KCNJ6: variants seen among roughly 807,000 people sequenced by gnomAD.
KCNJ6 encodes the protein G protein-activated inward rectifier potassium channel 2.
KCNJ6 carries 9 observed loss-of-function variants against 34.2 expected under a neutral mutation model. The ratio of observed to expected loss-of-function variants is 0.26; its 90% CI spans 0.16 to 0.46. The LOEUF (loss-of-function observed/expected upper bound fraction) is 0.46. Among genes scored for constraint, KCNJ6 ranks in the 20% least tolerant of loss-of-function variants. KCNJ6 has a pLI of 1.00. For synonymous variants in KCNJ6, 196 were observed against 207.1 expected, an observed-to-expected ratio of 0.95 and a Z score of 0.46; for missense variants, 236 against 531.3, an observed-to-expected ratio of 0.44 and a Z score of 5.46.
At chr21:37,838,798 T>C (rs895293286) in intron 2 of KCNJ6, among the ~76,000 whole-genome samples, 1 of 152,186 alleles carries the variant, frequency 6.6e-6, no homozygotes. Context: ...GCAAATCTCA[T>C]ATTGAATTGT....
chr21:37,664,008 A>G (rs1286692600), intron 3 of KCNJ6, among the ~76,000 whole-genome samples: 1 of 152,248 alleles, frequency 6.6e-6, no homozygotes, highest in Non-Finnish European at 1.5e-5. Context: ...ACTATCATTC[A>G]GTTCACATTA....
chr21:37,867,521 T>A (rs993101864), intron 1 of KCNJ6, among the ~76,000 whole-genome samples: 1 of 152,144 alleles, frequency 6.6e-6, no homozygotes, highest in Non-Finnish European at 1.5e-5. Flanking sequence ...TGAAGAAGAG[T>A]GAAATCCATC....
chr21:37,774,489 TCCCTCCCC>T (rs2055132497), intron 2 of KCNJ6, among the ~76,000 whole-genome samples: 2 of 151,480 alleles, frequency 1.3e-5, no homozygotes, highest in East Asian at 3.9e-4. Context: ...CCTAATGCTA[TCCCTCCCC>T]CCCTCCCCCT....
At chr21:37,912,414 T>C (rs544363262) in intron 1 of KCNJ6, among the ~76,000 whole-genome samples, 62 of 152,344 alleles carry the variant, frequency 4.1e-4, no homozygotes, top group Non-Finnish European at 7.2e-4. Flanking sequence ...TATACCTAGA[T>C]TATTGACACC....
Position 37,625,338 on chromosome 21 carries a change from G to A in KCNJ6, c.1093C>T (p.Leu365Phe), listed in dbSNP as rs1218901675. ...HETYETSTPS[L>F]SAKELAELAS... ...AACTCGGCCAGCTCTTTGGCACTAA[G>A]GGATGGGGTGCTGGTCTCATAGGTC... Residue 365 changes from leucine to phenylalanine, a missense_variant, in exon 4 of 4, where the codon CTT becomes TTT. This residue lies in a region of KCNJ6 where 60 missense variants were observed against 207.3 expected (regional missense o/e 0.29). Transcript: ENST00000609713. 4 of 1,614,242 alleles carry A rather than the reference G, an allele frequency of 2.5e-6. No individual in the cohort carries two copies. Among genetic ancestry groups the A allele is most frequent in the Non-Finnish European group, 3.4e-6 (4 of 1,180,038 alleles).
chr21:37,821,446 T>C (rs1258895125), intron 2 of KCNJ6, among the ~76,000 whole-genome samples: 5 of 152,198 alleles, frequency 3.3e-5, no homozygotes, highest in East Asian at 1.9e-4. Flanking sequence ...GTTTGTTATA[T>C]AGGTAAGCGT....
intron 2 of KCNJ6, among the ~76,000 whole-genome samples, chr21:37,763,401 T>C (rs1182075552): frequency 6.6e-6 from 1 of 152,180 alleles, no homozygotes; most frequent in African/African-American, 2.4e-5. Context: ...CTCTCTTACT[T>C]CCTGCTCCTG....
intron 2 of KCNJ6, among the ~76,000 whole-genome samples, chr21:37,802,268 G>A (rs774077803): frequency 2.6e-5 from 4 of 152,190 alleles, no homozygotes; most frequent in Admixed American, 6.5e-5. Context: ...CTGGGAGACT[G>A]TGGCAGGCTA....
At chr21:37,694,171 A>G (rs932282971) in intron 3 of KCNJ6, among the ~76,000 whole-genome samples, 2 of 152,108 alleles carry the variant, frequency 1.3e-5, no homozygotes, top group African/African-American at 4.8e-5. Context: ...AGCCTCAGAT[A>G]CCTGTGGGCC....
In KCNJ6 at chr21:37,678,115, C is replaced by T. The variant is rs769410406; in HGVS notation, c.946+36096G>A. Among the ~76,000 whole-genome samples, 49 of 151,944 alleles carry T rather than the reference C, an allele frequency of 3.2e-4. 1 individual carries two copies. Among genetic ancestry groups the T allele is most frequent in the Non-Finnish European group, 6.2e-4 (42 of 68,010 alleles). Reference sequence around the variant, plus strand: ...GCCAAACAGAAGCCGGCTAACTTGGCGGGTGGTGGTGTCAGAGAAGATTTC... The same window carrying T: ...GCCAAACAGAAGCCGGCTAACTTGGTGGGTGGTGGTGTCAGAGAAGATTTC... On this transcript the variant is annotated intron_variant, in intron 3 of 3. Coordinates refer to ENST00000609713, the MANE Select transcript of KCNJ6 (RefSeq NM_002240.5).
chr21:37,704,740 C>T (rs1296057805), intron 3 of KCNJ6, among the ~76,000 whole-genome samples: 1 of 152,096 alleles, frequency 6.6e-6, no homozygotes, highest in East Asian at 1.9e-4. Flanking sequence ...CCCAGCCGAG[C>T]TTAATTAGGC....
chr21:37,779,869 G>A (rs2055160823), intron 2 of KCNJ6, among the ~76,000 whole-genome samples: 1 of 152,156 alleles, frequency 6.6e-6, no homozygotes, highest in Admixed American at 6.6e-5. Flanking sequence ...GTATGTCTCT[G>A]GATGTGATTC....
chr21:37,799,468 C>T (rs1045190312), intron 2 of KCNJ6, among the ~76,000 whole-genome samples: 1 of 152,094 alleles, frequency 6.6e-6, no homozygotes, highest in African/African-American at 2.4e-5. Context: ...GGGTGAATTC[C>T]TTTCCTTCTT....
intron 2 of KCNJ6, among the ~76,000 whole-genome samples, chr21:37,785,169 T>C (rs1249339874): frequency 3.9e-5 from 6 of 152,200 alleles, no homozygotes; most frequent in East Asian, 1.9e-4. Flanking sequence ...TCAGAGACAT[T>C]TGTGGAGGCT....
intron 2 of KCNJ6, among the ~76,000 whole-genome samples, chr21:37,729,088 T>G (rs142766540): frequency 3.5e-4 from 54 of 152,278 alleles, no homozygotes; most frequent in Middle Eastern, 6.8e-3. Context: ...CTACATCCCA[T>G]GAGGACCTGG....
chr21:37,726,564 T>C (rs2054855878), intron 2 of KCNJ6, among the ~76,000 whole-genome samples: 2 of 152,202 alleles, frequency 1.3e-5, no homozygotes, highest in Admixed American at 6.5e-5. Flanking sequence ...TTTGCAAATA[T>C]TGCCATCTTA....
intron 2 of KCNJ6, 72 bp from the exon 3 acceptor site, chr21:37,715,203 C>G: frequency 7.6e-7 from 1 of 1,312,326 alleles, no homozygotes; most frequent in Non-Finnish European, 1.0e-6. Context: ...GAACGGCACA[C>G]TTTGTATGGG....
intron 2 of KCNJ6, among the ~76,000 whole-genome samples, chr21:37,781,153 C>A (rs1026131921): frequency 2.0e-5 from 3 of 152,198 alleles, no homozygotes; most frequent in Non-Finnish European, 2.9e-5. Context: ...ACCACCCATC[C>A]GGCATCAGTC....
intron 1 of KCNJ6, among the ~76,000 whole-genome samples, chr21:37,857,843 A>C (rs1175870533): frequency 1.3e-5 from 2 of 152,258 alleles, no homozygotes; most frequent in Non-Finnish European, 2.9e-5. Context: ...ATATAGAAAT[A>C]GTACAGTGAA....
Sources: allele counts gnomAD v4.1 joint callset (sites outside exome capture counted in the v4.1 genomes callset), GRCh38; gene constraint gnomAD v4.1.1; regional missense constraint gnomAD v4.1.1; transcripts MANE v1.5; gene names NCBI Gene and HGNC (gene_info 2026-07-23, HGNC 2026-07-21).